The following SPATS2L variants were observed in gnomAD, a reference collection of about 807,000 sequenced individuals.
The protein encoded by SPATS2L is spermatogenesis associated serine rich 2 like.
In SPATS2L, 30 loss-of-function variants were observed where a neutral mutation model predicts 59.6. That is an observed-to-expected ratio of 0.50 (90% CI 0.38 to 0.68). The LOEUF is 0.68. SPATS2L is among the 30% of genes least tolerant of loss of function. The probability of loss-of-function intolerance (pLI) is 0.00; values close to 1 mark genes in which losing one functional copy is unlikely to be tolerated. For missense variants in SPATS2L, 615 were observed against 700.0 expected (o/e 0.88, Z 1.37); for synonymous variants, 252 against 263.5 (o/e 0.96, Z 0.42).
At chr2:200,306,161 G>A (rs2079005697), upstream of SPATS2L, 1 of 997,346 alleles carries the variant, frequency 1.0e-6, no homozygotes, top group African/African-American at 1.7e-5. Flanking sequence ...GATTTTTCAG[G>A]TCATTTTCGA....
At chr2:200,399,731 CAA>C (rs1335005015) in intron 3 of SPATS2L, among the ~76,000 whole-genome samples, 1 of 152,122 alleles carries the variant, frequency 6.6e-6, no homozygotes, top group Non-Finnish European at 1.5e-5. Flanking sequence ...AAACTCCCCT[CAA>C]AGAGAGAGAG....
intron 1 of SPATS2L, among the ~76,000 whole-genome samples, chr2:200,307,351 C>T (rs2079056955): frequency 6.6e-6 from 1 of 151,796 alleles, no homozygotes; most frequent in South Asian, 2.1e-4. Flanking sequence ...GTCCCCCAGG[C>T]TGCTCTCTGG....
At chr2:200,384,161 C>A in intron 2 of SPATS2L, 1 of 241,370 alleles carries the variant, frequency 4.1e-6, no homozygotes, top group Non-Finnish European at 7.2e-6. Flanking sequence ...GACATATTTG[C>A]CAGAATGTCT....
chr2:200,322,774 G>A (rs1201007867), intron 1 of SPATS2L, among the ~76,000 whole-genome samples: 5 of 152,184 alleles, frequency 3.3e-5, no homozygotes, highest in Non-Finnish European at 7.4e-5. Flanking sequence ...GGGTAATCCT[G>A]ATTTGTCATT....
intron 12 of SPATS2L, among the ~76,000 whole-genome samples, chr2:200,473,643 CCTT>C (rs2087253167): frequency 6.6e-6 from 1 of 152,180 alleles, no homozygotes; most frequent in African/African-American, 2.4e-5. Context: ...TTCCTTCTCT[CCTT>C]CTGCTTCTCC....
chr2:200,349,139 A>G (rs1310509887), intron 2 of SPATS2L, among the ~76,000 whole-genome samples: 1 of 152,196 alleles, frequency 6.6e-6, no homozygotes, highest in Non-Finnish European at 1.5e-5. Flanking sequence ...GAGCAGAAGG[A>G]CCCTGAGAAG....
intron 2 of SPATS2L, among the ~76,000 whole-genome samples, chr2:200,373,822 G>A (rs1559076849): frequency 6.6e-6 from 1 of 152,106 alleles, no homozygotes; most frequent in Non-Finnish European, 1.5e-5. Flanking sequence ...CCAATTTGAA[G>A]TTATTTTAAA....
intron 6 of SPATS2L, among the ~76,000 whole-genome samples, chr2:200,422,723 T>A (rs769253272): frequency 1.3e-5 from 2 of 152,164 alleles, no homozygotes; most frequent in Non-Finnish European, 2.9e-5. Flanking sequence ...GAAGATAGGT[T>A]CCAGGACCCC....
chr2:200,445,837 T>C (rs1250507370), intron 8 of SPATS2L, among the ~76,000 whole-genome samples: 1 of 74,916 alleles, frequency 1.3e-5, no homozygotes, highest in East Asian at 4.0e-4. Flanking sequence ...CAAACAATGA[T>C]AAACCCTGGC....
At chr2:200,450,050 A>G (rs1346303704) in intron 8 of SPATS2L, among the ~76,000 whole-genome samples, 1 of 152,226 alleles carries the variant, frequency 6.6e-6, no homozygotes, top group African/African-American at 2.4e-5. Flanking sequence ...ATTAGGAGGC[A>G]CGGGATGTGG....
At chr2:200,438,864 C>T (rs1237168652) in intron 6 of SPATS2L, among the ~76,000 whole-genome samples, 2 of 152,130 alleles carry the variant, frequency 1.3e-5, no homozygotes. Context: ...AACTAGGGCT[C>T]AGAGATGCCC....
chr2:200,444,218 T>C (rs1487946653), intron 8 of SPATS2L, among the ~76,000 whole-genome samples: 1 of 152,218 alleles, frequency 6.6e-6, no homozygotes, highest in African/African-American at 2.4e-5. Context: ...CCAGATTTAA[T>C]TGCTTTATAT....
intron 2 of SPATS2L, among the ~76,000 whole-genome samples, chr2:200,382,750 C>A (rs138957060): frequency 6.6e-6 from 1 of 152,000 alleles, no homozygotes. Context: ...ATCTTAATTT[C>A]TATTCGTAGG....
At chr2:200,477,486 T>C (rs537111362) in intron 12 of SPATS2L, 150 bp from the exon 13 acceptor site, 8 of 571,260 alleles carry the variant, frequency 1.4e-5, no homozygotes, top group Non-Finnish European at 2.0e-5. Flanking sequence ...CCTGACCTCA[T>C]CTTCATGTTT....
intron 8 of SPATS2L, among the ~76,000 whole-genome samples, chr2:200,457,523 C>T (rs1011734246): frequency 3.3e-5 from 5 of 152,210 alleles, no homozygotes; most frequent in African/African-American, 1.2e-4. Context: ...ATATTTAAAA[C>T]ACACTGACAT....
intron 1 of SPATS2L, among the ~76,000 whole-genome samples, chr2:200,311,978 A>G (rs2105746638): frequency 6.6e-6 from 1 of 152,306 alleles, no homozygotes; most frequent in Non-Finnish European, 1.5e-5. Context: ...TTGACTTTAC[A>G]TCAGCACTCT....
At chr2:200,319,603 A>T (rs1379062243) in intron 1 of SPATS2L, among the ~76,000 whole-genome samples, 1 of 150,802 alleles carries the variant, frequency 6.6e-6, no homozygotes, top group Non-Finnish European at 1.5e-5. Context: ...CTTGAATGCA[A>T]CAGCCTACTC....
At chr2:200,379,538 A>C (rs6708345) in intron 2 of SPATS2L, among the ~76,000 whole-genome samples, 59,538 of 151,994 alleles carry the variant, frequency 0.39, 12,063 homozygotes, top group Middle Eastern at 0.55. Context: ...ATAGCTAAAG[A>C]GATGGGGGAA....
chr2:200,370,532 C>G (rs929548248), intron 2 of SPATS2L, among the ~76,000 whole-genome samples: 1 of 152,100 alleles, frequency 6.6e-6, no homozygotes, highest in African/African-American at 2.4e-5. Flanking sequence ...CTGTTCTATT[C>G]CAGATCTCTC....
Sources: gnomAD v4.1 joint callset for allele counts (sites outside exome capture counted in the v4.1 genomes callset) on GRCh38, gnomAD v4.1.1 for gene constraint, MANE v1.5 for transcripts, NCBI Gene and HGNC (gene_info 2026-07-23, HGNC 2026-07-21) for gene names.